The following FBXO33 variants were observed in gnomAD, a reference collection of about 807,000 sequenced individuals.
FBXO33 encodes the protein F-box protein 33, also known as F-box only protein 33.
A neutral mutation model predicts 46.3 loss-of-function variants in FBXO33; 22 were observed. The observed-to-expected ratio is 0.48, with a 90% confidence interval of 0.34 to 0.68. FBXO33 has a LOEUF of 0.68. FBXO33 is among the 30% of genes least tolerant of loss of function. The pLI is 0.01. For missense variants in FBXO33, 692 were observed against 708.8 expected (o/e 0.98, Z 0.27); for synonymous variants, 337 against 291.3 (o/e 1.16, Z -1.60).
At position 39,431,677 on chromosome 14, in the gene FBXO33, G is replaced by A. The variant is rs1377311329; in HGVS notation, c.486C>T (p.Thr162=). 3 of 1,613,388 alleles carry A rather than the reference G, an allele frequency of 1.9e-6. No individual in the cohort carries two copies. The Admixed American group carries it at 5.0e-5, about 27-fold the overall frequency. ...GGPGDGGGAD[T]GTGGEEVEAL... Reference sequence around the variant, plus strand: ...CCTCGACTTCCTCCCCTCCAGTCCCGGTGTCCGCGCCACCTCCGTCCCCTG... The same window carrying A: ...CCTCGACTTCCTCCCCTCCAGTCCCAGTGTCCGCGCCACCTCCGTCCCCTG... The change falls in exon 1 of 4, where the codon ACC becomes ACT. Residue 162 remains threonine (T), a synonymous_variant. Coordinates refer to ENST00000298097, the MANE Select transcript of FBXO33 (RefSeq NM_203301.4).
At chr14:39,423,053 C>T (rs2075493074) in intron 1 of FBXO33, among the ~76,000 whole-genome samples, 1 of 151,976 alleles carries the variant, frequency 6.6e-6, no homozygotes, top group Admixed American at 6.6e-5. Flanking sequence ...ACCTGGGAAG[C>T]GGAGGTTGCA....
chr14:39,415,018 C>G (rs531282296), intron 1 of FBXO33, among the ~76,000 whole-genome samples: 1 of 152,040 alleles, frequency 6.6e-6, no homozygotes, highest in South Asian at 2.1e-4. Context: ...AGGGCTGGTC[C>G]GTAGTCAGAA....
rs1163356581 is a variant in FBXO33 at position 39,402,418 on chromosome 14, A to T, written c.693T>A (p.Asp231Glu). 5 of 1,570,520 alleles carry T rather than the reference A, an allele frequency of 3.2e-6. No individual in the cohort carries two copies. Among genetic ancestry groups the T allele is most frequent in the African/African-American group, 1.4e-5 (1 of 73,036 alleles). Reference protein sequence around the residue: ...SNTYLSKVDPDGKKIKQIQQL... With the variant: ...SNTYLSKVDPEGKKIKQIQQL... ...TAACTTACTGTTTAATTTTTTTGCC[A>T]TCAGGGTCCACCTTGCTGAGGTATG... Residue 231 changes from aspartate to glutamate, a missense_variant, in exon 2 of 4, where the codon GAT becomes GAA. Asp to Glu is a conservative substitution (Grantham distance 45). Coordinates refer to ENST00000298097, the MANE Select transcript of FBXO33 (RefSeq NM_203301.4).
In FBXO33 at chr14:39,401,845, C is replaced by T; in HGVS notation, c.727G>A (p.Glu243Lys). The T allele has an allele frequency of 6.2e-7, 1 of 1,610,980 alleles. No individual in the cohort carries two copies. Among genetic ancestry groups the T allele is most frequent in the Non-Finnish European group, 8.5e-7 (1 of 1,178,374 alleles). Reference protein sequence around the residue: ...KKIKQIQQLFEEILSNSRQLK... With the variant: ...KKIKQIQQLFKEILSNSRQLK... ...TGCCTACTATTACTCAGGATTTCTT[C>T]AAACAGTTGCTGAATTCTATAAGGA... Residue 243 changes from glutamate (E) to lysine (K), a missense_variant, in exon 3 of 4, where the codon GAA becomes AAA. Coordinates refer to ENST00000298097, the MANE Select transcript of FBXO33 (RefSeq NM_203301.4).
At position 39,426,894 on chromosome 14, in the gene FBXO33, C is replaced by A. The variant is rs377599181; in HGVS notation, c.599+4670G>T. 4.8e-4 allele frequency among the ~76,000 whole-genome samples: 73 copies of A among 152,300 alleles called. 3 individuals carry two copies. In the South Asian group the frequency reaches 0.015, roughly 31 times the overall value. ...TTTATTTTCACAACCTGAAATAATC[C>A]TTCTTTCCTTTGTCTACTTGTTTCT... On this transcript the variant is annotated intron_variant, in intron 1 of 3. Coordinates refer to ENST00000298097, the MANE Select transcript of FBXO33 (RefSeq NM_203301.4).
intron 1 of FBXO33, among the ~76,000 whole-genome samples, chr14:39,416,372 C>G (rs1455546896): frequency 6.6e-6 from 1 of 151,966 alleles, no homozygotes; most frequent in East Asian, 1.9e-4. Context: ...CTGTTTGGCA[C>G]TCTTTGACCT....
At chr14:39,419,038 G>T (rs2075465590) in intron 1 of FBXO33, among the ~76,000 whole-genome samples, 1 of 152,182 alleles carries the variant, frequency 6.6e-6, no homozygotes, top group African/African-American at 2.4e-5. Context: ...AAAGCCAGAA[G>T]ATTTGTGGGA....
At chr14:39,430,128 T>C (rs2075535665) in intron 1 of FBXO33, among the ~76,000 whole-genome samples, 1 of 152,242 alleles carries the variant, frequency 6.6e-6, no homozygotes, top group Non-Finnish European at 1.5e-5. Context: ...ACTGAAACTT[T>C]GCAACTTTTG....
At chr14:39,407,472 C>G (rs2075404354) in intron 1 of FBXO33, among the ~76,000 whole-genome samples, 1 of 152,140 alleles carries the variant, frequency 6.6e-6, no homozygotes, top group Non-Finnish European at 1.5e-5. Flanking sequence ...TCCTTACAGC[C>G]CCAGCAATCA....
At chr14:39,427,492 T>C (rs573087164) in intron 1 of FBXO33, among the ~76,000 whole-genome samples, 3 of 152,288 alleles carry the variant, frequency 2.0e-5, no homozygotes, top group African/African-American at 7.2e-5. Context: ...CTCTCAGAGA[T>C]GAAACATTGT....
At chr14:39,414,765 G>C (rs2075439471) in intron 1 of FBXO33, among the ~76,000 whole-genome samples, 1 of 152,122 alleles carries the variant, frequency 6.6e-6, no homozygotes, top group African/African-American at 2.4e-5. Context: ...AGGTTCAAGT[G>C]ATCCTCCCAC....
At chr14:39,421,796 A>T (rs1198415854) in intron 1 of FBXO33, among the ~76,000 whole-genome samples, 1 of 151,712 alleles carries the variant, frequency 6.6e-6, no homozygotes, top group African/African-American at 2.4e-5. Flanking sequence ...ACACACACAC[A>T]CACACACACA....
At chr14:39,423,394 C>T (rs1025895421) in intron 1 of FBXO33, among the ~76,000 whole-genome samples, 4 of 152,070 alleles carry the variant, frequency 2.6e-5, no homozygotes, top group Admixed American at 1.3e-4. Flanking sequence ...CATATGTATA[C>T]GGTATGATCC....
chr14:39,432,038 AGCAGCCCCC>A lies in FBXO33; in HGVS notation c.116_124del (p.Arg39_Leu41del), dbSNP rs972756118. On this transcript the variant is annotated inframe_deletion, in exon 1 of 4. Transcript: ENST00000298097. ...TCCCGGCCGCCCCCGCAGTACCCGG[AGCAGCCCCC>A]GCAGCCGTCGCAGCTGCTGCAGCCG... is the stretch of plus-strand genomic sequence containing the variant. 3.8e-6 allele frequency: 5 copies of A among 1,329,542 alleles called. No individual in the cohort carries two copies. Among genetic ancestry groups the A allele is most frequent in the Admixed American group, 3.9e-5 (1 of 25,514 alleles). 82.4% of individuals were successfully genotyped at this position (1,329,542 alleles called of 1,614,324 possible).
At chr14:39,421,327 A>G (rs1490849902) in intron 1 of FBXO33, among the ~76,000 whole-genome samples, 1 of 152,184 alleles carries the variant, frequency 6.6e-6, no homozygotes, top group Non-Finnish European at 1.5e-5. Context: ...CTTAAGGAGT[A>G]TACGTGATGA....
At chr14:39,429,091 A>G (rs775980511) in intron 1 of FBXO33, among the ~76,000 whole-genome samples, 5 of 152,240 alleles carry the variant, frequency 3.3e-5, no homozygotes, top group Non-Finnish European at 7.3e-5. Context: ...CCAGGAACCA[A>G]GCAAAACAAA....
intron 1 of FBXO33, among the ~76,000 whole-genome samples, chr14:39,415,456 A>C (rs2075443297): frequency 6.6e-6 from 1 of 152,198 alleles, no homozygotes; most frequent in Non-Finnish European, 1.5e-5. Context: ...AGTGCAATAA[A>C]ATGAATCATA....
intron 1 of FBXO33, among the ~76,000 whole-genome samples, chr14:39,403,241 TAA>T (rs1567072685): frequency 6.6e-6 from 1 of 152,200 alleles, no homozygotes; most frequent in Non-Finnish European, 1.5e-5. Flanking sequence ...AACTGAAATC[TAA>T]AGAGAACCTT....
At chr14:39,409,928 T>C (rs1438896113) in intron 1 of FBXO33, among the ~76,000 whole-genome samples, 1 of 151,450 alleles carries the variant, frequency 6.6e-6, no homozygotes, top group Non-Finnish European at 1.5e-5. Context: ...TATTAAGAGT[T>C]TTTTTTTTGG....
Sources: gnomAD v4.1 joint callset for allele counts (sites outside exome capture counted in the v4.1 genomes callset) on GRCh38, gnomAD v4.1.1 for gene constraint, MANE v1.5 for transcripts, NCBI Gene and HGNC (gene_info 2026-07-23, HGNC 2026-07-21) for gene names.